NFU1: variants seen among roughly 807,000 people sequenced by gnomAD.
The protein encoded by NFU1 is NFU1 iron-sulfur cluster scaffold homolog, mitochondrial.
A neutral mutation model predicts 32.2 loss-of-function variants in NFU1; 30 were observed. That is an observed-to-expected ratio of 0.93 (90% CI 0.70 to 1.26). The LOEUF is 1.26. Ranked by LOEUF, NFU1 falls within the 50% of genes most tolerant of loss-of-function variation. The pLI, the probability that NFU1 is intolerant of heterozygous loss-of-function variation, is 0.00. For synonymous variants in NFU1, 112 were observed against 104.6 expected, an observed-to-expected ratio of 1.07 and a Z score of -0.43; for missense variants, 306 against 306.6, an observed-to-expected ratio of 1.00 and a Z score of 0.02.
chr2:69,439,388 T>C (rs1673985800), upstream of NFU1, among the ~76,000 whole-genome samples: 1 of 152,170 alleles, frequency 6.6e-6, no homozygotes. Flanking sequence ...GTCCGGAGTT[T>C]GTTTCTTCTG....
At chr2:69,398,070 C>T (rs1023655113) in intron 7 of NFU1, among the ~76,000 whole-genome samples, 2 of 151,982 alleles carry the variant, frequency 1.3e-5, no homozygotes, top group African/African-American at 4.8e-5. Context: ...ATACCCAATC[C>T]AAAAAATTTT....
intron 3 of NFU1, among the ~76,000 whole-genome samples, chr2:69,422,414 C>G (rs1161612891): frequency 6.6e-6 from 1 of 152,118 alleles, no homozygotes; most frequent in Non-Finnish European, 1.5e-5. Context: ...ATGCCTTTAT[C>G]TGGTGAATTT....
chr2:69,438,138 G>A (rs895627333), upstream of NFU1, among the ~76,000 whole-genome samples: 2 of 152,152 alleles, frequency 1.3e-5, no homozygotes, highest in African/African-American at 4.8e-5. Context: ...AAAAAAAGCA[G>A]GAGAACACGT....
chr2:69,399,254 T>C (rs1419677204), intron 7 of NFU1: 2 of 349,756 alleles, frequency 5.7e-6, no homozygotes, highest in South Asian at 2.0e-5. Context: ...ATTCTGTGGG[T>C]TGGAAATTTC....
chr2:69,430,416 G>A (rs1673601109), intron 2 of NFU1, among the ~76,000 whole-genome samples: 1 of 151,988 alleles, frequency 6.6e-6, no homozygotes, highest in South Asian at 2.1e-4. Context: ...GTTTGACCAT[G>A]TTGCTGAGGC....
chr2:69,417,162 A>G (rs1673082330), intron 4 of NFU1, among the ~76,000 whole-genome samples: 1 of 152,214 alleles, frequency 6.6e-6, no homozygotes, highest in African/African-American at 2.4e-5. Flanking sequence ...AGGGCAGCAT[A>G]TAAGCTGCAA....
chr2:69,424,188 A>T (rs1182914691), intron 2 of NFU1, among the ~76,000 whole-genome samples: 2 of 136,780 alleles, frequency 1.5e-5, no homozygotes, highest in African/African-American at 5.6e-5. Flanking sequence ...AAAAAAAAAA[A>T]AAAAAAAAAA....
upstream of NFU1, among the ~76,000 whole-genome samples, chr2:69,438,911 C>G (rs1357924038): frequency 2.4e-5 from 3 of 126,364 alleles, no homozygotes; most frequent in East Asian, 5.8e-4. Context: ...CACCCACCCC[C>G]CCACACACAC....
intron 3 of NFU1, among the ~76,000 whole-genome samples, chr2:69,421,112 G>C (rs933590180): frequency 2.0e-5 from 3 of 152,046 alleles, no homozygotes; most frequent in Admixed American, 1.3e-4. Context: ...GCTAAGGCAG[G>C]AGAATAGCTT....
At chr2:69,433,027 G>A (rs974128619) in intron 1 of NFU1, among the ~76,000 whole-genome samples, 41 of 151,342 alleles carry the variant, frequency 2.7e-4, no homozygotes, top group African/African-American at 9.4e-4. Flanking sequence ...GTGGGCGCCT[G>A]TAATCCCAGC....
upstream of NFU1, among the ~76,000 whole-genome samples, chr2:69,439,296 T>C (rs188657271): frequency 2.6e-5 from 4 of 152,304 alleles, no homozygotes; most frequent in Admixed American, 2.0e-4. Context: ...ACTTCAAGAA[T>C]GAAGCCATGG....
intron 5 of NFU1, among the ~76,000 whole-genome samples, chr2:69,407,949 G>A (rs1672753591): frequency 6.6e-6 from 1 of 151,148 alleles, no homozygotes; most frequent in African/African-American, 2.4e-5. Context: ...GGAGGTGGAG[G>A]TGGCAGTGAG....
At position 69,423,714 on chromosome 2, in the gene NFU1, C is replaced by A. The variant is rs781426610; in HGVS notation, c.170G>T (p.Arg57Ile). 1 of 1,595,282 alleles carries A rather than the reference C, an allele frequency of 6.3e-7. No homozygotes were observed. Among genetic ancestry groups the A allele is most frequent in the South Asian group, 1.1e-5 (1 of 90,622 alleles). Residue 57 changes from arginine to isoleucine, a missense_variant, in exon 3 of 8, where the codon AGA becomes ATA. Physicochemically the swap from Arg to Ile is moderately conservative, Grantham distance 97. Transcript: ENST00000410022. ...PLPAAFYHPVRYMFIQTQDTP... is the reference protein window; with the variant it reads ...PLPAAFYHPVIYMFIQTQDTP... ...ATCTTGTGTTTGAATAAACATGTATCTCACTAAAAAAGAAAAAGAAGAAAA... is the reference window on the plus strand; with the variant it reads ...ATCTTGTGTTTGAATAAACATGTATATCACTAAAAAAGAAAAAGAAGAAAA...
At chr2:69,438,035 A>G (rs1158962589), upstream of NFU1, among the ~76,000 whole-genome samples, 1 of 152,140 alleles carries the variant, frequency 6.6e-6, no homozygotes, top group Non-Finnish European at 1.5e-5. Flanking sequence ...TCCAGGGCAG[A>G]GTGCCAAAGC....
chr2:69,409,278 T>C (rs960459768), intron 5 of NFU1, among the ~76,000 whole-genome samples: 2 of 152,260 alleles, frequency 1.3e-5, no homozygotes, highest in Admixed American at 6.5e-5. Context: ...TTTATAAATG[T>C]ACATACATTT....
chr2:69,419,336 G>A (rs1046852553), intron 4 of NFU1, among the ~76,000 whole-genome samples: 6 of 151,744 alleles, frequency 4.0e-5, no homozygotes, highest in African/African-American at 1.5e-4. Context: ...TCAAAAAAAA[G>A]AAAAAGAAAA....
chr2:69,426,201 G>C (rs551134114), intron 2 of NFU1, among the ~76,000 whole-genome samples: 2 of 151,982 alleles, frequency 1.3e-5, no homozygotes, highest in South Asian at 4.2e-4. Context: ...TGAACTCCTG[G>C]CCTCAGGCGA....
chr2:69,421,540 C>T (rs1162877762), intron 3 of NFU1, among the ~76,000 whole-genome samples: 1 of 149,872 alleles, frequency 6.7e-6, no homozygotes, highest in Non-Finnish European at 1.5e-5. Context: ...AGAGGTTCAT[C>T]CCAACAATTT....
intron 3 of NFU1, among the ~76,000 whole-genome samples, chr2:69,421,101 G>A (rs922200068): frequency 6.6e-6 from 1 of 152,028 alleles, no homozygotes; most frequent in Non-Finnish European, 1.5e-5. Context: ...TTACTAGGGA[G>A]GCTAAGGCAG....
Sources: gnomAD v4.1 joint callset for allele counts (sites outside exome capture counted in the v4.1 genomes callset) on GRCh38, gnomAD v4.1.1 for gene constraint, MANE v1.5 for transcripts, NCBI Gene and HGNC (gene_info 2026-07-23, HGNC 2026-07-21) for gene names.